The following WASHC5 variants were observed in gnomAD, a reference collection of about 807,000 sequenced individuals.
WASHC5 encodes WASH complex subunit 5, also known as WASH complex subunit strumpellin.
In WASHC5, 101 loss-of-function variants were observed where a neutral mutation model predicts 150.4. That is an observed-to-expected ratio of 0.67 (90% confidence interval 0.57 to 0.79). The LOEUF (loss-of-function observed/expected upper bound fraction) is 0.79, where lower values mean the gene tolerates loss of function less well. Among genes scored for constraint, WASHC5 ranks in the 30% least tolerant of loss-of-function variants. The probability of loss-of-function intolerance (pLI) is 0.00; values close to 1 mark genes in which losing one functional copy is unlikely to be tolerated. For synonymous variants in WASHC5, 467 were observed against 491.2 expected, an observed-to-expected ratio of 0.95 and a Z score of 0.65; for missense variants, 1,195 against 1,396.3, an observed-to-expected ratio of 0.86 and a Z score of 2.30.
At chr8:125,030,527 C>A (rs1317591137) in intron 27 of WASHC5, among the ~76,000 whole-genome samples, 1 of 148,636 alleles carries the variant, frequency 6.7e-6, no homozygotes, top group Non-Finnish European at 1.5e-5. Context: ...AGAAAGAATG[C>A]AAAATCAGTA....
intron 16 of WASHC5, 146 bp from the exon 17 acceptor site, chr8:125,055,817 C>T (rs748568591): frequency 5.8e-6 from 4 of 690,642 alleles, no homozygotes; most frequent in Admixed American, 2.2e-5. Context: ...AACTGAAAGC[C>T]CACTGTTAGA....
intron 1 of WASHC5, among the ~76,000 whole-genome samples, chr8:125,089,180 G>C (rs1331669461): frequency 1.3e-5 from 2 of 152,156 alleles, no homozygotes; most frequent in African/African-American, 2.4e-5. Context: ...GGTCTGGCTT[G>C]GGAAAGCAGA....
chr8:125,048,105 T>C (rs531131752), intron 19 of WASHC5, among the ~76,000 whole-genome samples: 1 of 152,272 alleles, frequency 6.6e-6, no homozygotes, highest in South Asian at 2.1e-4. Flanking sequence ...CAAAGAAACA[T>C]TGTGAAAAGG....
chr8:125,044,391 G>T, intron 21 of WASHC5, 145 bp downstream of exon 21: 2 of 884,818 alleles, frequency 2.3e-6, no homozygotes, highest in South Asian at 1.4e-5. Context: ...TCCCAGCTCT[G>T]ATCTACCCAG....
At position 125,024,557 on chromosome 8, in the gene WASHC5, C is replaced by A; in HGVS notation, c.*60G>T. 1 of 1,270,522 alleles carries A rather than the reference C, an allele frequency of 7.9e-7. No homozygotes were observed. The highest frequency in any genetic ancestry group is 2.3e-5 in the East Asian group (1 of 43,208). The allele number at this position is 1,270,522 out of a possible 1,614,324, so 78.7% of individuals were successfully genotyped here. A position where few individuals can be genotyped will look rare whatever the true frequency, so the allele number is the denominator to read the frequency against. On this transcript the variant is annotated 3_prime_UTR_variant, in exon 29 of 29. Coordinates refer to ENST00000318410, the MANE Select transcript of WASHC5 (RefSeq NM_014846.4). Reference sequence around the variant, plus strand: ...CTGAGTTTCTTTTCATCTTCAAATTCATTTGTGATGGTGGGAAGATCTAAG... The same window carrying A: ...CTGAGTTTCTTTTCATCTTCAAATTAATTTGTGATGGTGGGAAGATCTAAG...
In WASHC5 at chr8:125,028,712, G is replaced by C. The variant is rs148744888; in HGVS notation, c.3336-5C>G. 8.7e-6 allele frequency: 14 copies of C among 1,606,382 alleles called. No individual in the cohort carries two copies. The African/African-American group carries it at 1.9e-4, about 21-fold the overall frequency. On this transcript the variant is annotated splice_polypyrimidine_tract_variant and splice_region_variant and intron_variant, in intron 27 of 28. Coordinates refer to ENST00000318410, the MANE Select transcript of WASHC5 (RefSeq NM_014846.4). The stretch of plus-strand genomic sequence containing the variant: ...GGAATTTCAGGTATCTTCTGGCTGT[G>C]ATAGAGAACAGTTTAGATCAATTAA...
chr8:125,066,950 T>A (rs1816758214), intron 10 of WASHC5, among the ~76,000 whole-genome samples: 1 of 152,228 alleles, frequency 6.6e-6, no homozygotes, highest in Non-Finnish European at 1.5e-5. Flanking sequence ...TTATTCTAGG[T>A]ACCTGGAGAA....
At chr8:125,035,585 T>C (rs976668998) in intron 26 of WASHC5, among the ~76,000 whole-genome samples, 1 of 152,212 alleles carries the variant, frequency 6.6e-6, no homozygotes, top group African/African-American at 2.4e-5. Flanking sequence ...CAGTTTGCGG[T>C]GACTTGGCCA....
At chr8:125,032,573 T>G in intron 26 of WASHC5, 179 bp from the exon 27 acceptor site, 1 of 716,596 alleles carries the variant, frequency 1.4e-6, no homozygotes, top group Admixed American at 2.0e-5. Context: ...GGTAGGGCAT[T>G]CCAGGGGTCT....
At chr8:125,083,421 CT>C (rs1339137036) in intron 2 of WASHC5, among the ~76,000 whole-genome samples, 163 bp from the exon 3 acceptor site, 1 of 152,116 alleles carries the variant, frequency 6.6e-6, no homozygotes, top group Admixed American at 6.5e-5. Flanking sequence ...TATAAAATCC[CT>C]TTGAGAGAAA....
chr8:125,032,302 T>G lies in WASHC5; in HGVS notation c.3274A>C (p.Thr1092Pro). ...CCAATCAGCGCCAGGAACTGCTCGG[T>G]GTACCGGGAATGGAACTGCTTCAGC... ...TLLKQFHSRY[T>P]EQFLALIGQF... The change falls in exon 27 of 29, where the codon ACC becomes CCC. Residue 1092 changes from threonine (T) to proline (P), a missense_variant. By Grantham distance (38) the Thr-to-Pro change is conservative. Around this residue, in one of 3 missense-constraint regions of WASHC5, gnomAD observed 997 missense variants for 1,168.1 expected, o/e 0.85. Transcript: ENST00000318410. 6.2e-7 allele frequency: 1 copy of G among 1,614,176 alleles called. No individual in the cohort carries two copies.
rs139773602 is a variant in WASHC5 at position 125,066,585 on chromosome 8, A to C, written c.1278+1007T>G. On this transcript the variant is annotated intron_variant, in intron 10 of 28. Transcript: ENST00000318410. The stretch of plus-strand genomic sequence containing the variant: ...CCTGAAGTCCTCAAGATGACCTTGT[A>C]CAAATGCAAATCACCCACCCCAGTT... 2.0e-5 allele frequency among the ~76,000 whole-genome samples: 3 copies of C among 152,328 alleles called. No individual in the cohort carries two copies. The East Asian group carries it at 5.8e-4, about 29-fold the overall frequency.
rs1816537801 is a variant in WASHC5 at position 125,059,850 on chromosome 8, G to A, written c.1522-308C>T. Among the ~76,000 whole-genome samples the A allele has an allele frequency of 2.6e-5, 4 of 152,144 alleles. No individual in the cohort carries two copies. The South Asian group carries it at 6.2e-4, about 24-fold the overall frequency. ...TTCTACAATGTCTTGAAATTTTAAT[G>A]TATATAACTGAAGATGCCTGGGTTA... On this transcript the variant is annotated intron_variant, in intron 12 of 28. Coordinates refer to ENST00000318410, the MANE Select transcript of WASHC5 (RefSeq NM_014846.4).
At chr8:125,033,877 A>G (rs938897780) in intron 26 of WASHC5, among the ~76,000 whole-genome samples, 2 of 152,160 alleles carry the variant, frequency 1.3e-5, no homozygotes, top group African/African-American at 4.8e-5. Flanking sequence ...AAGACAAAAA[A>G]GAATAATTAT....
chr8:125,043,926 T>G (rs1263970697), intron 22 of WASHC5, 22 bp from the exon 23 acceptor site: 3 of 1,603,558 alleles, frequency 1.9e-6, no homozygotes, highest in Non-Finnish European at 2.6e-6. Context: ...AAACATAATT[T>G]TCTCTTTAGT....
rs11542889 is a variant in WASHC5, at chr8:125,032,285, C to T, written c.3291G>A (p.Ala1097=). The change falls in exon 27 of 29, where the codon GCG becomes GCA. Residue 1097 remains alanine, a synonymous_variant. Transcript: ENST00000318410. The part of the protein sequence containing the change: ...FHSRYTEQFL[A]LIGQFICSTV... ...TGGAGCAGATAAACTGGCCAATCAG[C>T]GCCAGGAACTGCTCGGTGTACCGGG... The T allele has an allele frequency of 0.054, 86,373 of 1,613,874 alleles. 6,907 individuals are homozygous for T. Among genetic ancestry groups the T allele is most frequent in the African/African-American group, 0.38 (28,410 of 74,898 alleles).
At chr8:125,057,952 G>A (rs1262828249) in intron 14 of WASHC5, among the ~76,000 whole-genome samples, 1 of 151,966 alleles carries the variant, frequency 6.6e-6, no homozygotes, top group Non-Finnish European at 1.5e-5. Flanking sequence ...CTGGGGGTGC[G>A]GCCCAGCAAT....
intron 1 of WASHC5, among the ~76,000 whole-genome samples, chr8:125,091,116 G>A (rs1263331227): frequency 6.6e-6 from 1 of 150,404 alleles, no homozygotes; most frequent in Admixed American, 6.6e-5. Flanking sequence ...CCAGGAATCA[G>A]GGCCCTGGGA....
At chr8:125,074,912 ATTCC>A (rs1436363466) in intron 8 of WASHC5, 82 bp downstream of exon 8, 2 of 839,350 alleles carry the variant, frequency 2.4e-6, no homozygotes, top group Non-Finnish European at 2.1e-6. Flanking sequence ...TATCTTCCAA[ATTCC>A]TTGGGAAATC....
Sources: gnomAD v4.1 joint callset for allele counts (sites outside exome capture counted in the v4.1 genomes callset) on GRCh38, gnomAD v4.1.1 for gene constraint, gnomAD v4.1.1 regional missense constraint, MANE v1.5 for transcripts, NCBI Gene and HGNC (gene_info 2026-07-23, HGNC 2026-07-21) for gene names.